PLPP1: variants seen among roughly 807,000 people sequenced by gnomAD.
The protein encoded by PLPP1 is lipid phosphate phosphohydrolase 1a.
Under a neutral mutation model 31.2 loss-of-function variants are expected in PLPP1, and 24 were observed. The observed-to-expected ratio is 0.77, with a 90% CI of 0.56 to 1.08. The LOEUF (loss-of-function observed/expected upper bound fraction) is 1.08. PLPP1 is among the 50% of genes least tolerant of loss of function. The probability of loss-of-function intolerance (pLI) is 0.00; values close to 1 mark genes in which losing one functional copy is unlikely to be tolerated. For synonymous variants in PLPP1, 146 were observed against 126.3 expected (o/e 1.16, Z -1.05); for missense variants, 319 against 342.7 (o/e 0.93, Z 0.55).
intron 2 of PLPP1, among the ~76,000 whole-genome samples, chr5:55,469,881 A>T (rs1464096330): frequency 6.6e-6 from 1 of 152,326 alleles, no homozygotes; most frequent in South Asian, 2.1e-4. Context: ...TTAATTGTTG[A>T]ACAGAAAACC....
chr5:55,490,945 T>A, intron 1 of PLPP1: 1 of 1,601,892 alleles, frequency 6.2e-7, no homozygotes, highest in Non-Finnish European at 8.5e-7. Context: ...ACTACCTACT[T>A]ATTAATTTAC....
chr5:55,487,449 T>C (rs1195547828), intron 1 of PLPP1, among the ~76,000 whole-genome samples: 2 of 114,478 alleles, frequency 1.7e-5, no homozygotes, highest in South Asian at 5.7e-4. Flanking sequence ...AAAAAAAAAA[T>C]GTAAAAGCCA....
chr5:55,495,152 G>C (rs7736321), intron 1 of PLPP1, among the ~76,000 whole-genome samples: 16 of 147,968 alleles, frequency 1.1e-4, no homozygotes, highest in Non-Finnish European at 2.4e-4. Flanking sequence ...AAAAAAAAAT[G>C]TATTAAATGG....
At chr5:55,529,966 A>T (rs993316317) in intron 1 of PLPP1, among the ~76,000 whole-genome samples, 9 of 152,226 alleles carry the variant, frequency 5.9e-5, no homozygotes, top group African/African-American at 2.2e-4. Context: ...CTAATGTCAT[A>T]ACTTTCATTT....
intron 4 of PLPP1, among the ~76,000 whole-genome samples, chr5:55,437,927 A>G (rs573899558): frequency 6.6e-6 from 1 of 152,380 alleles, no homozygotes; most frequent in East Asian, 1.9e-4. Flanking sequence ...GAGGGATTAT[A>G]TGAATCTTAA....
chr5:55,534,138 A>G (rs1198803877), intron 1 of PLPP1, among the ~76,000 whole-genome samples: 1 of 152,190 alleles, frequency 6.6e-6, no homozygotes, highest in Non-Finnish European at 1.5e-5. Context: ...CCGAAATATT[A>G]AACTGCTTCT....
At chr5:55,462,734 G>A (rs2111772370) in intron 3 of PLPP1, among the ~76,000 whole-genome samples, 1 of 152,210 alleles carries the variant, frequency 6.6e-6, no homozygotes, top group East Asian at 1.9e-4. Context: ...AGCACTTTGG[G>A]AGGCCAAGGT....
chr5:55,488,608 TGCACTCCAGCCCAG>T (rs1490300643), intron 1 of PLPP1, among the ~76,000 whole-genome samples: 1 of 151,982 alleles, frequency 6.6e-6, no homozygotes, highest in Non-Finnish European at 1.5e-5. Flanking sequence ...ACTGTGCCAC[TGCACTCCAGCCCAG>T]GCAACAGAGT....
At chr5:55,491,860 G>GAAAAAAAAAAAAAAAA (rs35303375) in intron 1 of PLPP1, among the ~76,000 whole-genome samples, 1 of 102,262 alleles carries the variant, frequency 9.8e-6, no homozygotes, top group Non-Finnish European at 1.8e-5. Flanking sequence ...TCAATCTCAG[G>GAAAAAAAAAAAAAAAA]AAAAAAAAAA....
chr5:55,530,806 A>C, intron 1 of PLPP1: 1 of 1,431,922 alleles, frequency 7.0e-7, no homozygotes, highest in South Asian at 1.2e-5. Context: ...CGCGGTCCGC[A>C]CGGGCGTTTT....
At chr5:55,460,810 C>T (rs1752138309) in intron 3 of PLPP1, among the ~76,000 whole-genome samples, 1 of 152,096 alleles carries the variant, frequency 6.6e-6, no homozygotes, top group South Asian at 2.1e-4. Context: ...TGGGCCACCG[C>T]ACTCCAGCCT....
chr5:55,500,077 ATTTTTTT>A (rs72040194), intron 1 of PLPP1, among the ~76,000 whole-genome samples: 1 of 112,484 alleles, frequency 8.9e-6, no homozygotes, highest in Non-Finnish European at 1.9e-5. Context: ...TTCTCTAAAA[ATTTTTTT>A]TTTTTTTTTT....
chr5:55,530,450 A>G, intron 1 of PLPP1: 3 of 1,255,022 alleles, frequency 2.4e-6, no homozygotes, highest in Non-Finnish European at 3.5e-6. Flanking sequence ...AAGAACTTGT[A>G]TTCTCTTGGT....
At chr5:55,483,234 ATAT>A (rs1488299473) in intron 1 of PLPP1, among the ~76,000 whole-genome samples, 15 of 152,216 alleles carry the variant, frequency 9.9e-5, no homozygotes, top group Admixed American at 9.2e-4. Flanking sequence ...TCTACTTAAT[ATAT>A]TATTACACTA....
intron 1 of PLPP1, among the ~76,000 whole-genome samples, chr5:55,486,657 G>A (rs1226638619): frequency 6.6e-6 from 1 of 152,044 alleles, no homozygotes; most frequent in East Asian, 1.9e-4. Context: ...GCTCACGCCT[G>A]TAATCCCAAC....
chr5:55,530,354 G>A (rs1484521513), intron 1 of PLPP1: 9 of 1,369,744 alleles, frequency 6.6e-6, no homozygotes, highest in Non-Finnish European at 9.4e-6. Context: ...TCTGAAATAA[G>A]TGATTACTGT....
chr5:55,501,950 C>T (rs1753155933), intron 1 of PLPP1, among the ~76,000 whole-genome samples: 1 of 152,130 alleles, frequency 6.6e-6, no homozygotes, highest in Non-Finnish European at 1.5e-5. Context: ...TTAGTCACCA[C>T]TTCTTGAAAA....
In PLPP1 at chr5:55,529,971, T is replaced by C. The variant is rs539672274; in HGVS notation, c.58+4601A>G. On this transcript the variant is annotated intron_variant, in intron 1 of 5. Coordinates refer to ENST00000307259, the MANE Select transcript of PLPP1 (RefSeq NM_003711.4). The stretch of plus-strand genomic sequence containing the variant: ...GCTTTTAAAGCTAATGTCATAACTT[T>C]CATTTTTTAACTTACCAAGAGGATG... 4.6e-5 allele frequency among the ~76,000 whole-genome samples: 7 copies of C among 152,374 alleles called. No homozygotes were observed. In the South Asian group the frequency reaches 1.4e-3, roughly 32 times the overall value.
At chr5:55,486,413 C>T (rs1412252460) in intron 1 of PLPP1, among the ~76,000 whole-genome samples, 7 of 151,790 alleles carry the variant, frequency 4.6e-5, no homozygotes, top group African/African-American at 1.7e-4. Flanking sequence ...GGTGAAACCC[C>T]ATCTCTACTA....
Sources: allele counts gnomAD v4.1 joint callset (sites outside exome capture counted in the v4.1 genomes callset), GRCh38; gene constraint gnomAD v4.1.1; transcripts MANE v1.5; gene names NCBI Gene and HGNC (gene_info 2026-07-23, HGNC 2026-07-21).